The following MYRFL variants were observed in gnomAD, a reference collection of about 807,000 sequenced individuals.
The protein encoded by MYRFL is myelin regulatory factor-like protein.
MYRFL carries 88 observed loss-of-function variants against 109.4 expected under a neutral mutation model. That is an observed-to-expected ratio of 0.80 (90% CI 0.68 to 0.96). The LOEUF is 0.96. Among genes scored for constraint, MYRFL ranks in the 40% least tolerant of loss-of-function variants. The pLI is 0.00. For missense variants in MYRFL, 957 were observed against 954.9 expected (o/e 1.00, Z -0.03); for synonymous variants, 324 against 320.9 (o/e 1.01, Z -0.10).
chr12:69,903,951 C>T, intron 11 of MYRFL, 107 bp downstream of exon 11: 1 of 1,023,664 alleles, frequency 9.8e-7, no homozygotes, highest in Non-Finnish European at 1.4e-6. Flanking sequence ...TACATGTCAC[C>T]CACTGGTGTG....
In MYRFL at chr12:69,886,850, A is replaced by G; in HGVS notation, c.587A>G (p.Gln196Arg). The change falls in exon 6 of 25, where the codon CAG (glutamine) becomes CGG (arginine). Residue 196 changes from glutamine (Q) to arginine (R), a missense_variant. By Grantham distance (43) the Gln-to-Arg change is conservative. Coordinates refer to ENST00000552032, the MANE Select transcript of MYRFL (RefSeq NM_182530.3). ...AGTAGGAGTCGCAGCAGTGAAGTCC[A>G]GGACCCTGACAGTGAGGGACAGAAC... is the stretch of plus-strand genomic sequence containing the variant. ...MTSRSRSSEVQDPDSEGQNRM... is the reference protein window; with the variant it reads ...MTSRSRSSEVRDPDSEGQNRM... The G allele has an allele frequency of 1.3e-6, 2 of 1,535,958 alleles. No homozygotes were observed. The highest frequency in any genetic ancestry group is 1.7e-6 in the Non-Finnish European group (2 of 1,146,724).
intron 11 of MYRFL, among the ~76,000 whole-genome samples, chr12:69,906,605 T>A (rs1954371801): frequency 6.6e-6 from 1 of 152,216 alleles, no homozygotes; most frequent in East Asian, 1.9e-4. Context: ...AAAGGCTGTT[T>A]TGATTTTCTC....
At chr12:69,885,155 G>A (rs1246586508) in intron 5 of MYRFL, among the ~76,000 whole-genome samples, 1 of 152,130 alleles carries the variant, frequency 6.6e-6, no homozygotes, top group Non-Finnish European at 1.5e-5. Context: ...TTGGAGGAGT[G>A]AGAGCACGAA....
At chr12:69,881,678 C>G (rs956435390) in intron 5 of MYRFL, among the ~76,000 whole-genome samples, 2 of 152,172 alleles carry the variant, frequency 1.3e-5, no homozygotes, top group African/African-American at 4.8e-5. Flanking sequence ...GGGCATCTAT[C>G]CCTCATATCA....
In MYRFL at chr12:69,958,900, A is replaced by C. The variant is rs573547689; in HGVS notation, c.*369A>C. 18 of 194,412 alleles carry C rather than the reference A, an allele frequency of 9.3e-5. No individual in the cohort carries two copies. In the South Asian group the frequency reaches 1.8e-3, roughly 20 times the overall value. The allele number at this position is 194,412 out of a possible 1,614,324, so 12.0% of individuals were successfully genotyped here. A position where few individuals can be genotyped will look rare whatever the true frequency, so the allele number is the denominator to read the frequency against. The stretch of plus-strand genomic sequence containing the variant: ...ATTTTAAAGCTTTTGAAAAAACCAA[A>C]AGGGCCATGTCGACTTCGGCCCACT... On this transcript the variant is annotated 3_prime_UTR_variant, in exon 25 of 25. Coordinates refer to ENST00000552032, the MANE Select transcript of MYRFL (RefSeq NM_182530.3).
At chr12:69,860,134 G>A (rs1884551882) in intron 2 of MYRFL, among the ~76,000 whole-genome samples, 1 of 152,066 alleles carries the variant, frequency 6.6e-6, no homozygotes, top group South Asian at 2.1e-4. Flanking sequence ...TCCAGTGTAT[G>A]TTGTTCCCCC....
intron 13 of MYRFL, among the ~76,000 whole-genome samples, chr12:69,911,429 C>T (rs1182696396): frequency 6.6e-6 from 1 of 152,056 alleles, no homozygotes. Flanking sequence ...TTTGATGAAA[C>T]GGTGTTTGAC....
At position 69,880,251 on chromosome 12, in the gene MYRFL, A is replaced by G; in HGVS notation, c.515A>G (p.Asp172Gly). 1.4e-6 allele frequency: 1 copy of G among 702,650 alleles called. No homozygotes were observed. The highest frequency in any genetic ancestry group is 2.6e-6 in the Non-Finnish European group (1 of 384,772). 43.5% of individuals were successfully genotyped at this position (702,650 alleles called of 1,614,324 possible). A position where few individuals can be genotyped will look rare whatever the true frequency, so the allele number is the denominator to read the frequency against. Residue 172 changes from aspartate (D) to glycine (G), a missense_variant, in exon 5 of 25, where the codon GAC becomes GGC. Coordinates refer to ENST00000552032, the MANE Select transcript of MYRFL (RefSeq NM_182530.3). ...AGAAAGTGCACGCAGGCACTGGAGG[A>G]CTCCGGGGAATGCCGAGTGTGGGCC... ...KKRKCTQALEDSGECRVWACH... is the reference protein window; with the variant it reads ...KKRKCTQALEGSGECRVWACH...
At chr12:69,851,121 T>C (rs2136320379) in intron 1 of MYRFL, among the ~76,000 whole-genome samples, 1 of 152,302 alleles carries the variant, frequency 6.6e-6, no homozygotes, top group South Asian at 2.1e-4. Context: ...GGAGGCAAAC[T>C]AAAACTGAGG....
chr12:69,878,005 G>A (rs1370674901), intron 2 of MYRFL, among the ~76,000 whole-genome samples: 1 of 152,164 alleles, frequency 6.6e-6, no homozygotes, highest in African/African-American at 2.4e-5. Context: ...CATTTTGGGA[G>A]GCTGAGACAG....
At chr12:69,867,944 C>T (rs1460657336) in intron 2 of MYRFL, among the ~76,000 whole-genome samples, 2 of 152,062 alleles carry the variant, frequency 1.3e-5, no homozygotes, top group Admixed American at 1.3e-4. Flanking sequence ...ATGAAACGAC[C>T]TATAATAATA....
intron 2 of MYRFL, among the ~76,000 whole-genome samples, chr12:69,863,068 A>G (rs1300412756): frequency 1.3e-5 from 2 of 151,906 alleles, no homozygotes; most frequent in South Asian, 2.1e-4. Flanking sequence ...ATTTGCATAT[A>G]TTGAACCAGC....
At chr12:69,868,321 G>T (rs1419066142) in intron 2 of MYRFL, among the ~76,000 whole-genome samples, 1 of 151,762 alleles carries the variant, frequency 6.6e-6, no homozygotes, top group Admixed American at 6.6e-5. Context: ...CACCATGCTG[G>T]CCAGGCTGGT....
intron 1 of MYRFL, among the ~76,000 whole-genome samples, chr12:69,841,152 G>C (rs563004380): frequency 6.6e-6 from 1 of 152,262 alleles, no homozygotes; most frequent in East Asian, 1.9e-4. Context: ...TTTTCTTGGG[G>C]GCAGTGCCCT....
At chr12:69,957,690 C>T in intron 22 of MYRFL, 132 bp from the exon 23 acceptor site, 2 of 1,104,570 alleles carry the variant, frequency 1.8e-6, no homozygotes, top group East Asian at 2.7e-5. Context: ...TTGTGTGATA[C>T]AATGCCTATT....
At chr12:69,891,605 C>CTT (rs1555249258) in intron 7 of MYRFL, among the ~76,000 whole-genome samples, 844 of 52,622 alleles carry the variant, frequency 0.016, 13 homozygotes, top group African/African-American at 0.027. Flanking sequence ...TTCTTTCTTT[C>CTT]TCTTTCTTTC....
chr12:69,916,387 C>A (rs1021103842), intron 13 of MYRFL, among the ~76,000 whole-genome samples: 1 of 151,980 alleles, frequency 6.6e-6, no homozygotes, highest in Non-Finnish European at 1.5e-5. Context: ...ACATGATGGA[C>A]CTTGGGGACT....
At position 69,886,985 on chromosome 12, in the gene MYRFL, T is replaced by C. The variant is rs1255849392; in HGVS notation, c.707+15T>C. 1.3e-6 allele frequency: 2 copies of C among 1,535,426 alleles called. No homozygotes were observed. Among genetic ancestry groups the C allele is most frequent in the Admixed American group, 3.9e-5 (2 of 50,958 alleles). On this transcript the variant is annotated intron_variant, in intron 6 of 24. Coordinates refer to ENST00000552032, the MANE Select transcript of MYRFL (RefSeq NM_182530.3). ...TATGAAAAACTGTAAGTGGCTTGAGTGGGCTGGAGAGTGAGGGGAGAAAGA... is the reference window on the plus strand; with the variant it reads ...TATGAAAAACTGTAAGTGGCTTGAGCGGGCTGGAGAGTGAGGGGAGAAAGA...
intron 5 of MYRFL, among the ~76,000 whole-genome samples, chr12:69,880,949 C>CCG (rs1379691821): frequency 0.036 from 1,096 of 30,190 alleles, 28 homozygotes; most frequent in Middle Eastern, 0.086. Flanking sequence ...GTCAGCCTTC[C>CCG]TGTTTTTTTT....
Sources: allele counts gnomAD v4.1 joint callset (sites outside exome capture counted in the v4.1 genomes callset), GRCh38; gene constraint gnomAD v4.1.1; transcripts MANE v1.5; gene names NCBI Gene and HGNC (gene_info 2026-07-23, HGNC 2026-07-21).